Variants in GALNT14 observed in about 807,000 individuals in gnomAD.
GALNT14 encodes polypeptide N-acetylgalactosaminyltransferase 14, also known as UDP-GalNAc:polypeptide N-acetylgalactosaminyltransferase 14.
GALNT14 carries 60 observed loss-of-function variants against 77.5 expected under a neutral mutation model. The observed-to-expected ratio is 0.77, with a 90% confidence interval of 0.63 to 0.96. The LOEUF is 0.96. Among genes scored for constraint, GALNT14 ranks in the 40% least tolerant of loss-of-function variants. GALNT14 has a pLI of 0.00. For missense variants in GALNT14, 710 were observed against 731.0 expected (o/e 0.97, Z 0.33); for synonymous variants, 280 against 281.7 (o/e 0.99, Z 0.06).
At chr2:31,081,276 A>G (rs184147630) in intron 1 of GALNT14, among the ~76,000 whole-genome samples, 3 of 152,356 alleles carry the variant, frequency 2.0e-5, no homozygotes. Context: ...GATTCATGGC[A>G]ATAATGAAGA....
intron 1 of GALNT14, among the ~76,000 whole-genome samples, chr2:31,022,704 G>C (rs1432704519): frequency 6.6e-6 from 1 of 152,182 alleles, no homozygotes; most frequent in African/African-American, 2.4e-5. Flanking sequence ...GGATCATTGG[G>C]AGCCTTAAGC....
intron 1 of GALNT14, among the ~76,000 whole-genome samples, chr2:31,014,338 A>G (rs1236645176): frequency 1.3e-5 from 2 of 152,196 alleles, no homozygotes; most frequent in Admixed American, 6.5e-5. Flanking sequence ...TGGGCTCTCC[A>G]GTAGGTTGCT....
intron 1 of GALNT14, among the ~76,000 whole-genome samples, chr2:31,010,990 G>C (rs1670991599): frequency 6.6e-6 from 1 of 152,238 alleles, no homozygotes. Flanking sequence ...GTGCCATCAG[G>C]GAGAGGTTCA....
chr2:31,050,863 C>T (rs1673816838), intron 1 of GALNT14, among the ~76,000 whole-genome samples: 2 of 150,238 alleles, frequency 1.3e-5, no homozygotes, highest in South Asian at 4.2e-4. Context: ...TAGCAAAATA[C>T]CCACAGGGGA....
At chr2:30,948,223 T>C (rs1357795038) in intron 6 of GALNT14, among the ~76,000 whole-genome samples, 2 of 152,264 alleles carry the variant, frequency 1.3e-5, no homozygotes, top group African/African-American at 4.8e-5. Context: ...GCTTTGAGCT[T>C]TGGGGCCTCT....
chr2:30,896,880 G>C, the GALNT14 span, among the ~76,000 whole-genome samples: 1 of 151,274 alleles, frequency 6.6e-6, no homozygotes, highest in East Asian at 1.9e-4. Context: ...TGCTCTGACT[G>C]TCAGTAACAT....
chr2:31,074,579 G>A (rs1675638378), intron 1 of GALNT14, among the ~76,000 whole-genome samples: 1 of 152,088 alleles, frequency 6.6e-6, no homozygotes, highest in Non-Finnish European at 1.5e-5. Context: ...GGTCTCAGCT[G>A]GGAAGTCTAG....
intron 1 of GALNT14, among the ~76,000 whole-genome samples, chr2:31,057,177 G>C (rs969404589): frequency 6.6e-6 from 1 of 151,092 alleles, no homozygotes; most frequent in Non-Finnish European, 1.5e-5. Context: ...CTAACTATTC[G>C]GTACTATGCT....
chr2:30,936,717 T>C (rs549986047), intron 9 of GALNT14, among the ~76,000 whole-genome samples: 1 of 152,326 alleles, frequency 6.6e-6, no homozygotes, highest in East Asian at 1.9e-4. Flanking sequence ...GATAATCTTA[T>C]TGGCCCAGAA....
At chr2:30,932,327 C>G in intron 9 of GALNT14, 133 bp from the exon 10 acceptor site, 1 of 822,130 alleles carries the variant, frequency 1.2e-6, no homozygotes, top group East Asian at 3.0e-5. Flanking sequence ...GTAGGCTCCA[C>G]TGGCTGAGAG....
intron 6 of GALNT14, among the ~76,000 whole-genome samples, chr2:30,952,413 T>C (rs1253169551): frequency 6.6e-6 from 1 of 151,260 alleles, no homozygotes; most frequent in African/African-American, 2.4e-5. Flanking sequence ...ATATACACCA[T>C]GGAATACTAT....
At chr2:30,993,530 G>GGGAA (rs1669841629) in intron 1 of GALNT14, among the ~76,000 whole-genome samples, 1 of 152,196 alleles carries the variant, frequency 6.6e-6, no homozygotes, top group South Asian at 2.1e-4. Flanking sequence ...GGCCAGCGAT[G>GGGAA]GGAAGGAAGG....
At chr2:30,892,361 A>T in the GALNT14 span, among the ~76,000 whole-genome samples, 1 of 152,254 alleles carries the variant, frequency 6.6e-6, no homozygotes, top group African/African-American at 2.4e-5. Context: ...GAAAGATCAG[A>T]AAACCAGGTA....
At chr2:31,027,971 T>C (rs146588587) in intron 1 of GALNT14, among the ~76,000 whole-genome samples, 194 of 150,800 alleles carry the variant, frequency 1.3e-3, no homozygotes, top group African/African-American at 4.7e-3. Context: ...CAGTGGCATC[T>C]TCATCAGGTA....
chr2:30,928,763 C>T (rs747522445), intron 11 of GALNT14, among the ~76,000 whole-genome samples: 8 of 152,012 alleles, frequency 5.3e-5, no homozygotes, highest in Non-Finnish European at 1.0e-4. Flanking sequence ...ACTACAGGTG[C>T]CCGCCACCAT....
intron 11 of GALNT14, among the ~76,000 whole-genome samples, chr2:30,925,623 G>A (rs2148234996): frequency 6.6e-6 from 1 of 152,342 alleles, no homozygotes; most frequent in East Asian, 1.9e-4. Context: ...GAAGAGTGCT[G>A]CAGGATCTTA....
chr2:30,895,583 C>A, the GALNT14 span, among the ~76,000 whole-genome samples: 4 of 152,212 alleles, frequency 2.6e-5, no homozygotes, highest in Non-Finnish European at 5.9e-5. Flanking sequence ...AATCACGCTA[C>A]TCAAAGGTAG....
At chr2:31,043,561 T>C (rs1186261248) in intron 1 of GALNT14, among the ~76,000 whole-genome samples, 1 of 152,182 alleles carries the variant, frequency 6.6e-6, no homozygotes, top group Non-Finnish European at 1.5e-5. Context: ...GCAATGGATC[T>C]GGTCCCTGCA....
intron 12 of GALNT14, 89 bp downstream of exon 12, chr2:30,924,651 G>A (rs2148232152): frequency 9.4e-7 from 1 of 1,065,338 alleles, no homozygotes; most frequent in Non-Finnish European, 1.4e-6. Context: ...CCCTCATCCA[G>A]TTGGTCATTG....
Sources: allele counts gnomAD v4.1 joint callset (sites outside exome capture counted in the v4.1 genomes callset), GRCh38; gene constraint gnomAD v4.1.1; transcripts MANE v1.5; gene names NCBI Gene and HGNC (gene_info 2026-07-23, HGNC 2026-07-21).